Variants in RHOA observed in about 807,000 individuals in gnomAD.
The protein encoded by RHOA is transforming protein RhoA.
A neutral mutation model predicts 17.5 loss-of-function variants in RHOA; 3 were observed. The ratio of observed to expected loss-of-function variants is 0.17; its 90% CI spans 0.08 to 0.44. The LOEUF is 0.44. Ranked by LOEUF, RHOA falls within the 20% of genes least tolerant of loss-of-function variation. The pLI is 0.99. For synonymous variants in RHOA, 98 were observed against 88.4 expected (o/e 1.11, Z -0.61); for missense variants, 56 against 242.3 (o/e 0.23, Z 5.10).
chr3:49,385,723 C>T (rs991549987), intron 1 of RHOA, among the ~76,000 whole-genome samples: 3 of 151,884 alleles, frequency 2.0e-5, no homozygotes, highest in Admixed American at 6.6e-5. Flanking sequence ...AAGTCTTACA[C>T]TTTAGGCCTT....
chr3:49,396,077 G>C (rs1419461026), intron 1 of RHOA, among the ~76,000 whole-genome samples: 1 of 152,156 alleles, frequency 6.6e-6, no homozygotes, highest in African/African-American at 2.4e-5. Context: ...AAAAAGGTAT[G>C]ATGATAATGA....
intron 3 of RHOA, among the ~76,000 whole-genome samples, chr3:49,368,042 T>C (rs2048087522): frequency 6.6e-6 from 1 of 152,040 alleles, no homozygotes; most frequent in Non-Finnish European, 1.5e-5. Flanking sequence ...CCCAAGTACC[T>C]GGGACTACAG....
At chr3:49,398,839 C>CAAAAAAAAAAA (rs71080506) in intron 1 of RHOA, among the ~76,000 whole-genome samples, 1 of 35,662 alleles carries the variant, frequency 2.8e-5, no homozygotes, top group African/African-American at 1.4e-4. Flanking sequence ...GACTCCGTCT[C>CAAAAAAAAAAA]AAAAAAAAAA....
intron 1 of RHOA, among the ~76,000 whole-genome samples, chr3:49,394,402 G>A (rs1283529253): frequency 6.6e-6 from 1 of 151,998 alleles, no homozygotes; most frequent in African/African-American, 2.4e-5. Flanking sequence ...CCAGGCTGAA[G>A]TGCAGTGGCA....
chr3:49,386,098 A>G (rs570665566), intron 1 of RHOA, among the ~76,000 whole-genome samples: 1 of 152,274 alleles, frequency 6.6e-6, no homozygotes, highest in East Asian at 1.9e-4. Flanking sequence ...ACAGTTTGTC[A>G]ATTTCTGCAA....
intron 2 of RHOA, among the ~76,000 whole-genome samples, chr3:49,372,233 C>A (rs183249856): frequency 5.3e-5 from 8 of 152,218 alleles, no homozygotes; most frequent in Admixed American, 1.3e-4. Context: ...CCTATCAGGA[C>A]CACAAAAACA....
At chr3:49,410,848 C>A (rs969069936) in intron 1 of RHOA, among the ~76,000 whole-genome samples, 1 of 152,162 alleles carries the variant, frequency 6.6e-6, no homozygotes, top group Non-Finnish European at 1.5e-5. Flanking sequence ...CAGAACCAAA[C>A]AAGTCAACAA....
chr3:49,394,020 G>A lies in RHOA; in HGVS notation c.-3+17800C>T, dbSNP rs574615995. 4.6e-5 allele frequency among the ~76,000 whole-genome samples: 7 copies of A among 151,468 alleles called. No homozygotes were observed. The South Asian group carries it at 1.3e-3, about 27-fold the overall frequency. On this transcript the variant is annotated intron_variant, in intron 1 of 4. Transcript: ENST00000418115. ...CAAGTAGCTAGGACTACAGGCACCC[G>A]CCAACACGCCTGGCTAATTTTTTTA...
At chr3:49,366,055 A>C (rs1286914361) in intron 3 of RHOA, among the ~76,000 whole-genome samples, 1 of 152,098 alleles carries the variant, frequency 6.6e-6, no homozygotes, top group African/African-American at 2.4e-5. Flanking sequence ...ACCCTGTCTC[A>C]AAAAGAAAAA....
At chr3:49,376,358 A>G (rs1044953776) in intron 1 of RHOA, among the ~76,000 whole-genome samples, 1 of 152,060 alleles carries the variant, frequency 6.6e-6, no homozygotes, top group East Asian at 2.0e-4. Flanking sequence ...TAAAAAATCA[A>G]TTGAGCCAGG....
intron 3 of RHOA, among the ~76,000 whole-genome samples, chr3:49,365,452 T>C (rs1163599740): frequency 6.6e-6 from 1 of 152,008 alleles, no homozygotes. Context: ...CTAGAATAGA[T>C]GTTCTGTTAG....
At chr3:49,380,711 AATAAT>A (rs2048302422) in intron 1 of RHOA, among the ~76,000 whole-genome samples, 1 of 144,052 alleles carries the variant, frequency 6.9e-6, no homozygotes, top group Admixed American at 6.9e-5. Context: ...TAATAATAAT[AATAAT>A]AATAAATACT....
chr3:49,409,780 A>G (rs1303714838), intron 1 of RHOA, among the ~76,000 whole-genome samples: 1 of 152,168 alleles, frequency 6.6e-6, no homozygotes, highest in Non-Finnish European at 1.5e-5. Flanking sequence ...GGACTACGAA[A>G]ATACTCCACC....
intron 1 of RHOA, among the ~76,000 whole-genome samples, chr3:49,377,831 C>A (rs1456071899): frequency 6.6e-6 from 1 of 151,430 alleles, no homozygotes; most frequent in Non-Finnish European, 1.5e-5. Flanking sequence ...GGCTCAGGAT[C>A]TCTTGCAAGG....
At chr3:49,409,338 T>C (rs1308651204) in intron 1 of RHOA, among the ~76,000 whole-genome samples, 1 of 151,938 alleles carries the variant, frequency 6.6e-6, no homozygotes, top group Non-Finnish European at 1.5e-5. Flanking sequence ...GACGGTGCAG[T>C]GAGCTGAGAT....
rs867356848 is a variant in RHOA, at chr3:49,373,089, A to G, written c.156+2345T>C. Among the ~76,000 whole-genome samples, 3 of 152,200 alleles carry G rather than the reference A, an allele frequency of 2.0e-5. No individual in the cohort carries two copies. In the South Asian group the frequency reaches 6.2e-4, roughly 32 times the overall value. On this transcript the variant is annotated intron_variant, in intron 2 of 4. Transcript: ENST00000418115. ...CCAGGCACGGTGGCTCATGCATGTA[A>G]TCCCAGCACTTTGGGAGGCCAAGGC...
intron 2 of RHOA, among the ~76,000 whole-genome samples, chr3:49,369,860 A>C (rs1356420953): frequency 6.6e-6 from 1 of 152,082 alleles, no homozygotes; most frequent in Non-Finnish European, 1.5e-5. Flanking sequence ...CTGAAGTCGG[A>C]AGTTCGAGAC....
At chr3:49,393,676 C>CTCTG (rs1407688604) in intron 1 of RHOA, among the ~76,000 whole-genome samples, 3 of 10,360 alleles carry the variant, frequency 2.9e-4, no homozygotes, top group African/African-American at 7.1e-4. Context: ...AATTCTCTCT[C>CTCTG]TGTGTGTGTG....
At position 49,411,185 on chromosome 3, in the gene RHOA, A is replaced by G. The variant is rs552748908; in HGVS notation, c.-3+635T>C. Among the ~76,000 whole-genome samples, 415 of 152,038 alleles carry G rather than the reference A, an allele frequency of 2.7e-3. 3 individuals are homozygous for G. Among genetic ancestry groups the G allele is most frequent in the African/African-American group, 9.3e-3 (385 of 41,478 alleles). On this transcript the variant is annotated intron_variant, in intron 1 of 4. Transcript: ENST00000418115. ...AATGGAAAATACCCCTTTTCCACTC[A>G]AAACAGACCCCAAAGCTTTCAGACG...
Sources: allele counts gnomAD v4.1 joint callset (sites outside exome capture counted in the v4.1 genomes callset), GRCh38; gene constraint gnomAD v4.1.1; transcripts MANE v1.5; gene names NCBI Gene and HGNC (gene_info 2026-07-23, HGNC 2026-07-21).